DYM: variants seen among roughly 807,000 people sequenced by gnomAD.
DYM encodes dyggve-Melchior-Clausen syndrome protein.
Under a neutral mutation model 93.1 loss-of-function variants are expected in DYM, and 78 were observed. The observed-to-expected ratio is 0.84, with a 90% CI of 0.70 to 1.01. DYM has a LOEUF of 1.01. DYM is among the 50% of genes least tolerant of loss of function. The pLI, the probability that DYM is intolerant of heterozygous loss-of-function variation, is 0.00. For synonymous variants in DYM, 321 were observed against 319.7 expected (o/e 1.00, Z -0.04); for missense variants, 789 against 845.0 (o/e 0.93, Z 0.82).
At chr18:49,312,732 A>C (rs749031502) in intron 8 of DYM, among the ~76,000 whole-genome samples, 3 of 152,186 alleles carry the variant, frequency 2.0e-5, no homozygotes, top group Non-Finnish European at 4.4e-5. Context: ...GCATGTCAGC[A>C]TGGCCAAGCA....
At chr18:49,342,855 A>G (rs774137156) in intron 6 of DYM, among the ~76,000 whole-genome samples, 2 of 152,218 alleles carry the variant, frequency 1.3e-5, no homozygotes, top group Non-Finnish European at 2.9e-5. Flanking sequence ...GGTGTGTAGC[A>G]GGCTATAACA....
chr18:49,093,581 G>A (rs922019958), intron 17 of DYM, among the ~76,000 whole-genome samples: 2 of 152,138 alleles, frequency 1.3e-5, no homozygotes, highest in African/African-American at 2.4e-5. Flanking sequence ...AATTTCTAGG[G>A]TTTGGGATCT....
intron 15 of DYM, among the ~76,000 whole-genome samples, chr18:49,143,330 G>C (rs1183577336): frequency 6.6e-6 from 1 of 152,116 alleles, no homozygotes; most frequent in Non-Finnish European, 1.5e-5. Context: ...ATTTTAAACA[G>C]CCTTCCTCAG....
rs551520834 is a variant in DYM at position 49,039,784 on chromosome 18, C to T, written c.*4271G>A. On this transcript the variant is annotated 3_prime_UTR_variant, in exon 18 of 18. Transcript: ENST00000675505. The stretch of plus-strand genomic sequence containing the variant: ...CTCTCTGTTGAAATTCTTGACCATG[C>T]GTCTCATTTTTTTGAACACAGTAAC... 3.9e-5 allele frequency among the ~76,000 whole-genome samples: 6 copies of T among 152,304 alleles called. No individual in the cohort carries two copies. Among genetic ancestry groups the T allele is most frequent in the South Asian group, 4.1e-4 (2 of 4,828 alleles).
intron 17 of DYM, among the ~76,000 whole-genome samples, chr18:49,066,818 T>A (rs2076428586): frequency 6.6e-6 from 1 of 152,198 alleles, no homozygotes; most frequent in Admixed American, 6.5e-5. Context: ...TGTTACAGCT[T>A]ACAAGGTGGC....
At chr18:49,379,561 TCA>T in intron 4 of DYM, 102 bp downstream of exon 4, 2 of 1,025,348 alleles carry the variant, frequency 2.0e-6, no homozygotes, top group Non-Finnish European at 3.0e-6. Context: ...AATAATTCCT[TCA>T]CAGAGATTTT....
chr18:49,432,514 A>G (rs1237974336), intron 1 of DYM, among the ~76,000 whole-genome samples: 1 of 151,748 alleles, frequency 6.6e-6, no homozygotes, highest in Non-Finnish European at 1.5e-5. Flanking sequence ...AAGCTACCTA[A>G]TAGATATGGT....
chr18:49,054,690 TG>T (rs2075316818), intron 17 of DYM, among the ~76,000 whole-genome samples: 1 of 152,194 alleles, frequency 6.6e-6, no homozygotes, highest in African/African-American at 2.4e-5. Context: ...ACACCATGGC[TG>T]GCGACACAGA....
At chr18:49,186,591 C>A (rs1294409188) in intron 14 of DYM, among the ~76,000 whole-genome samples, 1 of 152,218 alleles carries the variant, frequency 6.6e-6, no homozygotes, top group Admixed American at 6.5e-5. Flanking sequence ...CATCCACCCA[C>A]CTGTCCTATT....
intron 13 of DYM, among the ~76,000 whole-genome samples, chr18:49,241,470 T>C (rs1169400344): frequency 6.6e-6 from 1 of 152,188 alleles, no homozygotes; most frequent in African/African-American, 2.4e-5. Context: ...ACAGCATCCA[T>C]ATAACACTGA....
At chr18:49,120,078 C>CAAAAAAAAAAAAAAAAAAAAA (rs71165367) in intron 15 of DYM, among the ~76,000 whole-genome samples, 8 of 56,120 alleles carry the variant, frequency 1.4e-4, no homozygotes, top group East Asian at 4.4e-4. Context: ...GATCCTGTCT[C>CAAAAAAAAAAAAAAAAAAAAA]AAAAAAAAAA....
At chr18:49,068,236 G>A (rs2076624942) in intron 17 of DYM, among the ~76,000 whole-genome samples, 1 of 152,172 alleles carries the variant, frequency 6.6e-6, no homozygotes, top group Non-Finnish European at 1.5e-5. Context: ...TCCAGGATAG[G>A]AGCCTGGATC....
At chr18:49,085,669 GTGATC>G (rs2078450490) in intron 17 of DYM, among the ~76,000 whole-genome samples, 1 of 143,178 alleles carries the variant, frequency 7.0e-6, no homozygotes, top group South Asian at 2.2e-4. Flanking sequence ...GTGCAGTGGT[GTGATC>G]TCAGCTCACT....
At chr18:49,064,307 T>C (rs1253675225) in intron 17 of DYM, among the ~76,000 whole-genome samples, 1 of 152,230 alleles carries the variant, frequency 6.6e-6, no homozygotes, top group Non-Finnish European at 1.5e-5. Context: ...AACCTATTCG[T>C]TGGTCAACAA....
chr18:49,390,109 T>G (rs141732279), intron 3 of DYM, among the ~76,000 whole-genome samples: 5 of 152,288 alleles, frequency 3.3e-5, no homozygotes, highest in Non-Finnish European at 7.4e-5. Flanking sequence ...ATTATCAACA[T>G]AGTTTGTTTT....
chr18:49,250,697 AG>A (rs1320102812), intron 13 of DYM, among the ~76,000 whole-genome samples: 1 of 152,244 alleles, frequency 6.6e-6, no homozygotes, highest in Non-Finnish European at 1.5e-5. Flanking sequence ...CATGGAATAA[AG>A]GGGTGGGAAG....
chr18:49,454,907 C>CAA (rs35671085), intron 1 of DYM, among the ~76,000 whole-genome samples: 4,809 of 73,104 alleles, frequency 0.066, 234 homozygotes, highest in East Asian at 0.26. Flanking sequence ...GACTCTGTCT[C>CAA]AAAAAAAAAA....
intron 2 of DYM, among the ~76,000 whole-genome samples, chr18:49,400,019 C>A (rs764798713): frequency 4.7e-5 from 6 of 128,290 alleles, no homozygotes; most frequent in Non-Finnish European, 9.4e-5. Flanking sequence ...TGGCTCACTG[C>A]AACCTCTGCC....
At chr18:49,101,994 G>A (rs1346504326) in intron 16 of DYM, among the ~76,000 whole-genome samples, 1 of 152,176 alleles carries the variant, frequency 6.6e-6, no homozygotes, top group African/African-American at 2.4e-5. Context: ...TCAACATCTA[G>A]ATGTAGCATG....
Sources: gnomAD v4.1 joint callset for allele counts (sites outside exome capture counted in the v4.1 genomes callset) on GRCh38, gnomAD v4.1.1 for gene constraint, MANE v1.5 for transcripts, NCBI Gene and HGNC (gene_info 2026-07-23, HGNC 2026-07-21) for gene names.